The following SLC9B1 variants were observed in gnomAD, a reference collection of about 807,000 sequenced individuals.
The protein encoded by SLC9B1 is solute carrier family 9 member B1.
SLC9B1 carries 32 observed loss-of-function variants against 51.7 expected under a neutral mutation model. The ratio of observed to expected loss-of-function variants is 0.62; its 90% CI spans 0.47 to 0.83. SLC9B1 has a LOEUF of 0.83. SLC9B1 is among the 40% of genes least tolerant of loss of function. The pLI, the probability that SLC9B1 is intolerant of heterozygous loss-of-function variation, is 0.00. For synonymous variants in SLC9B1, 145 were observed against 212.7 expected, an observed-to-expected ratio of 0.68 and a Z score of 2.77; for missense variants, 406 against 613.2, an observed-to-expected ratio of 0.66 and a Z score of 3.57.
intron 3 of SLC9B1, among the ~76,000 whole-genome samples, chr4:102,974,430 A>G (rs1477726496): frequency 1.3e-5 from 2 of 152,064 alleles, no homozygotes; most frequent in East Asian, 3.8e-4. Flanking sequence ...AAGATTGATT[A>G]ATTAAAAAGA....
chr4:103,013,217 A>G (rs1453086307), intron 1 of SLC9B1, among the ~76,000 whole-genome samples: 1 of 152,204 alleles, frequency 6.6e-6, no homozygotes, highest in Non-Finnish European at 1.5e-5. Flanking sequence ...CAAACTGTTA[A>G]CTGCACTCCA....
At chr4:102,977,003 A>G (rs537227246) in intron 3 of SLC9B1, among the ~76,000 whole-genome samples, 1 of 152,232 alleles carries the variant, frequency 6.6e-6, no homozygotes, top group South Asian at 2.1e-4. Flanking sequence ...TTTAAAAATT[A>G]TCCAGATATG....
downstream of SLC9B1, among the ~76,000 whole-genome samples, chr4:102,900,338 C>G (rs1734727001): frequency 6.6e-6 from 1 of 152,170 alleles, no homozygotes; most frequent in South Asian, 2.1e-4. Context: ...AAAGGTAATT[C>G]TATATTACTA....
At chr4:102,939,390 TAAA>T (rs1329633557) in intron 6 of SLC9B1, among the ~76,000 whole-genome samples, 1 of 29,742 alleles carries the variant, frequency 3.4e-5, no homozygotes. Context: ...GAATGAGTAA[TAAA>T]AAGTCTCTGA....
At chr4:102,895,064 TC>T (rs1168562041) in intron 11 of SLC9B1, among the ~76,000 whole-genome samples, 2 of 152,136 alleles carry the variant, frequency 1.3e-5, no homozygotes, top group Admixed American at 6.5e-5. Context: ...AGAAGAATAG[TC>T]AGAAAATTGT....
intron 3 of SLC9B1, among the ~76,000 whole-genome samples, chr4:102,961,574 G>C (rs762991811): frequency 4.1e-5 from 6 of 147,706 alleles, no homozygotes; most frequent in Non-Finnish European, 9.0e-5. Flanking sequence ...TATTTATTTG[G>C]CTCTTTTCTT....
intron 3 of SLC9B1, among the ~76,000 whole-genome samples, chr4:102,982,530 A>G (rs1271807122): frequency 6.6e-6 from 1 of 152,072 alleles, no homozygotes; most frequent in Non-Finnish European, 1.5e-5. Flanking sequence ...AACATAAAAT[A>G]TTTCTCAATT....
chr4:102,995,699 C>T (rs1390553301), intron 1 of SLC9B1, among the ~76,000 whole-genome samples: 1 of 152,092 alleles, frequency 6.6e-6, no homozygotes, highest in Non-Finnish European at 1.5e-5. Flanking sequence ...AAAGCAAGGA[C>T]TTTGAGTTGA....
At chr4:102,941,280 G>T (rs990968103) in intron 6 of SLC9B1, among the ~76,000 whole-genome samples, 16 of 151,958 alleles carry the variant, frequency 1.1e-4, no homozygotes, top group African/African-American at 3.9e-4. Context: ...AATCCAAAAA[G>T]AACTTAGAAA....
At chr4:102,978,906 T>C (rs1413411660) in intron 3 of SLC9B1, among the ~76,000 whole-genome samples, 3 of 152,214 alleles carry the variant, frequency 2.0e-5, no homozygotes, top group Non-Finnish European at 4.4e-5. Context: ...TTTTATTTGC[T>C]CTCTAGTATT....
chr4:102,933,275 C>T (rs201300098), intron 6 of SLC9B1, among the ~76,000 whole-genome samples: 1 of 152,182 alleles, frequency 6.6e-6, no homozygotes, highest in African/African-American at 2.4e-5. Context: ...ACAGCATCTG[C>T]CAATGACTGA....
intron 6 of SLC9B1, among the ~76,000 whole-genome samples, chr4:102,940,479 T>C (rs1456980888): frequency 6.6e-6 from 1 of 152,028 alleles, no homozygotes; most frequent in African/African-American, 2.4e-5. Context: ...ATCAATGACA[T>C]TTTTCACAGG....
At chr4:102,984,147 C>T (rs1414580594) in intron 3 of SLC9B1, among the ~76,000 whole-genome samples, 2 of 151,946 alleles carry the variant, frequency 1.3e-5, no homozygotes, top group Admixed American at 1.3e-4. Flanking sequence ...GACAGAGTCT[C>T]ACTCTGTCAC....
At chr4:102,977,141 C>T (rs1560964426) in intron 3 of SLC9B1, among the ~76,000 whole-genome samples, 1 of 151,032 alleles carries the variant, frequency 6.6e-6, no homozygotes. Flanking sequence ...CAGAGTGAGA[C>T]TCTGCCTCCA....
At chr4:103,011,662 C>T (rs1741092256) in intron 1 of SLC9B1, among the ~76,000 whole-genome samples, 1 of 152,208 alleles carries the variant, frequency 6.6e-6, no homozygotes, top group African/African-American at 2.4e-5. Context: ...GCCATGACTA[C>T]AGACTTAGCA....
chr4:102,960,848 T>A (rs1438375741), intron 3 of SLC9B1, among the ~76,000 whole-genome samples: 2 of 151,958 alleles, frequency 1.3e-5, no homozygotes, highest in Non-Finnish European at 2.9e-5. Flanking sequence ...TTCTCCTGCC[T>A]CAGCCTCCCG....
chr4:102,934,511 G>A (rs66466366), intron 6 of SLC9B1, among the ~76,000 whole-genome samples: 16,313 of 152,094 alleles, frequency 0.11, 1,037 homozygotes, highest in South Asian at 0.23. Flanking sequence ...ATAAGAAAAT[G>A]TAGGGGGCTA....
chr4:102,893,331 T>G (rs1421676011), intron 11 of SLC9B1, among the ~76,000 whole-genome samples: 1 of 146,806 alleles, frequency 6.8e-6, no homozygotes, highest in African/African-American at 2.5e-5. Context: ...AAGATTCACT[T>G]TGAAATGCTG....
At chr4:102,941,682 A>G (rs1560941302) in intron 6 of SLC9B1, among the ~76,000 whole-genome samples, 1 of 151,320 alleles carries the variant, frequency 6.6e-6, no homozygotes, top group African/African-American at 2.4e-5. Context: ...AGAGAGAAAG[A>G]AAAACCCACA....
Sources: allele counts gnomAD v4.1 joint callset (sites outside exome capture counted in the v4.1 genomes callset), GRCh38; gene constraint gnomAD v4.1.1; transcripts MANE v1.5; gene names NCBI Gene and HGNC (gene_info 2026-07-23, HGNC 2026-07-21).